Variants in FRAS1 observed in about 807,000 individuals in gnomAD.
FRAS1 encodes the protein extracellular matrix organizing protein FRAS1.
In FRAS1, 290 loss-of-function variants were observed where a neutral mutation model predicts 435.2. The observed-to-expected ratio is 0.67, with a 90% CI of 0.61 to 0.73. FRAS1 has a LOEUF of 0.73. Among genes scored for constraint, FRAS1 ranks in the 30% least tolerant of loss-of-function variants. FRAS1 has a pLI of 0.00. For synonymous variants in FRAS1, 1,800 were observed against 1,851.0 expected (o/e 0.97, Z 0.71); for missense variants, 4,860 against 5,001.5 (o/e 0.97, Z 0.85).
At position 78,282,826 on chromosome 4, in the gene FRAS1, G is replaced by A. The variant is rs753141845; in HGVS notation, c.1114G>A (p.Glu372Lys). Reference protein sequence around the residue: ...ASEVKRIPEGEKWEDGPCKVC... With the variant: ...ASEVKRIPEGKKWEDGPCKVC... The stretch of plus-strand genomic sequence containing the variant: ...TCTTCACTTTTTTGCGTAGGAGGGA[G>A]AGAAGTGGGAAGATGGCCCTTGCAA... Residue 372 changes from glutamate to lysine, a missense_variant, in exon 12 of 74, where the codon GAG becomes AAG. Physicochemically the swap from Glu to Lys is moderately conservative, Grantham distance 56 (BLOSUM62 1). Transcript: ENST00000512123. 1 of 1,613,264 alleles carries A rather than the reference G, an allele frequency of 6.2e-7. No homozygotes were observed. Among genetic ancestry groups the A allele is most frequent in the South Asian group, 1.1e-5 (1 of 90,962 alleles).
intron 2 of FRAS1, among the ~76,000 whole-genome samples, chr4:78,177,450 G>A (rs1051326930): frequency 2.0e-5 from 3 of 152,152 alleles, no homozygotes; most frequent in Non-Finnish European, 4.4e-5. Flanking sequence ...CAACTCATGA[G>A]CTGCTGAGAC....
chr4:78,489,909 A>G (rs1045183559), intron 59 of FRAS1, among the ~76,000 whole-genome samples: 5 of 148,798 alleles, frequency 3.4e-5, no homozygotes, highest in African/African-American at 1.2e-4. Flanking sequence ...TCTCTTGACA[A>G]TGTACATGAA....
chr4:78,451,643 G>A (rs1719024548), intron 45 of FRAS1, 129 bp from the exon 46 acceptor site: 1 of 614,932 alleles, frequency 1.6e-6, no homozygotes, highest in Non-Finnish European at 2.6e-6. Flanking sequence ...AATGTCAAAA[G>A]CAGTGTCAAA....
intron 2 of FRAS1, among the ~76,000 whole-genome samples, chr4:78,074,555 C>T (rs1740536823): frequency 6.6e-6 from 1 of 152,082 alleles, no homozygotes; most frequent in Non-Finnish European, 1.5e-5. Flanking sequence ...CCCAGGAACA[C>T]CCTGCTTAGC....
chr4:78,117,991 C>T (rs10005862), intron 2 of FRAS1, among the ~76,000 whole-genome samples: 25,220 of 151,526 alleles, frequency 0.17, 1,946 homozygotes, highest in Admixed American at 0.2. Context: ...ATGATGGTGA[C>T]GAACAGATGG....
chr4:78,340,577 A>G (rs381503), intron 20 of FRAS1, among the ~76,000 whole-genome samples: 27,014 of 152,174 alleles, frequency 0.18, 3,276 homozygotes, highest in African/African-American at 0.35. Context: ...AGACAAATCA[A>G]ATATGGAGCT....
intron 2 of FRAS1, among the ~76,000 whole-genome samples, chr4:78,170,094 A>G (rs1721487136): frequency 6.6e-6 from 1 of 152,094 alleles, no homozygotes; most frequent in Non-Finnish European, 1.5e-5. Context: ...GTGTTTTTAA[A>G]TGTCATTTTG....
chr4:78,338,715 G>C (rs1192866206), intron 20 of FRAS1, among the ~76,000 whole-genome samples: 2 of 152,176 alleles, frequency 1.3e-5, no homozygotes, highest in African/African-American at 4.8e-5. Flanking sequence ...AAGAGGCATG[G>C]CCAGTTGTCT....
At chr4:78,481,576 G>A (rs1238252396) in intron 56 of FRAS1, among the ~76,000 whole-genome samples, 1 of 152,170 alleles carries the variant, frequency 6.6e-6, no homozygotes, top group Non-Finnish European at 1.5e-5. Flanking sequence ...TCTCCATGAA[G>A]CCCTTCTCTA....
chr4:78,180,866 T>G, intron 2 of FRAS1: 1 of 1,589,754 alleles, frequency 6.3e-7, no homozygotes, highest in African/African-American at 1.3e-5. Flanking sequence ...TGGCATCCAG[T>G]TAAGCCAGAA....
chr4:78,073,692 T>C (rs2109863429), intron 2 of FRAS1, among the ~76,000 whole-genome samples: 1 of 152,336 alleles, frequency 6.6e-6, no homozygotes, highest in South Asian at 2.1e-4. Context: ...GTTTAGTTAC[T>C]TTTAGAAGTT....
At chr4:78,538,499 G>T (rs1372613950) in intron 72 of FRAS1, among the ~76,000 whole-genome samples, 1 of 152,164 alleles carries the variant, frequency 6.6e-6, no homozygotes, top group African/African-American at 2.4e-5. Context: ...CTAATGACAT[G>T]CCTGTAACTG....
intron 2 of FRAS1, among the ~76,000 whole-genome samples, chr4:78,232,430 C>T (rs184857348): frequency 0.014 from 2,088 of 152,076 alleles, 29 homozygotes; most frequent in Admixed American, 0.019. Context: ...GGACTACAGG[C>T]GCCCGCCACC....
rs148469658 is a variant in FRAS1, at chr4:78,338,489, G to C, written c.2422+672G>C. ...TCCACCACCAAAGAGCCTATAGACTGGGGAGGGGAATTTACTGGGTAATGG... is the reference window on the plus strand; with the variant it reads ...TCCACCACCAAAGAGCCTATAGACTCGGGAGGGGAATTTACTGGGTAATGG... On this transcript the variant is annotated intron_variant, in intron 20 of 73. Coordinates refer to ENST00000512123, the MANE Select transcript of FRAS1 (RefSeq NM_025074.7). Among the ~76,000 whole-genome samples, 104 of 152,284 alleles carry C rather than the reference G, an allele frequency of 6.8e-4. 1 individual carries two copies. The Middle Eastern group carries it at 0.027, about 40-fold the overall frequency.
chr4:78,482,534 T>C lies in FRAS1; in HGVS notation c.8751T>C (p.Asp2917=). 6.2e-7 allele frequency: 1 copy of C among 1,612,946 alleles called. No homozygotes were observed. Among genetic ancestry groups the C allele is most frequent in the Non-Finnish European group, 8.5e-7 (1 of 1,179,610 alleles). ...AVIAINDTFQ[D]VPSMQFAKDL... ...TTGCAATTAATGACACATTCCAAGA[T>C]GGTAAGAGATTGGGGATGCCAGCTG... The change falls in exon 58 of 74, where the codon GAT becomes GAC. Residue 2917 remains aspartate, a splice_region_variant and synonymous_variant. Transcript: ENST00000512123.
chr4:78,066,471 C>T (rs948746405), intron 2 of FRAS1, among the ~76,000 whole-genome samples: 8 of 152,128 alleles, frequency 5.3e-5, no homozygotes, highest in African/African-American at 1.7e-4. Context: ...TTTTGGTGAA[C>T]AGCAAAGAAA....
intron 5 of FRAS1, among the ~76,000 whole-genome samples, chr4:78,253,218 A>C (rs755805423): frequency 3.4e-4 from 51 of 152,164 alleles, no homozygotes; most frequent in Non-Finnish European, 5.4e-4. Flanking sequence ...AGAAGAAAAA[A>C]TATGGCTCTA....
intron 14 of FRAS1, among the ~76,000 whole-genome samples, chr4:78,288,534 G>A (rs569501087): frequency 5.3e-5 from 8 of 152,242 alleles, no homozygotes; most frequent in African/African-American, 1.4e-4. Flanking sequence ...AGTGGTTTAC[G>A]TAGCTCACTG....
intron 59 of FRAS1, among the ~76,000 whole-genome samples, chr4:78,493,895 A>G (rs1720438168): frequency 6.6e-6 from 1 of 152,194 alleles, no homozygotes; most frequent in Non-Finnish European, 1.5e-5. Flanking sequence ...GTATTGAATC[A>G]GAATCACATT....
Sources: allele counts gnomAD v4.1 joint callset (sites outside exome capture counted in the v4.1 genomes callset), GRCh38; gene constraint gnomAD v4.1.1; transcripts MANE v1.5; gene names NCBI Gene and HGNC (gene_info 2026-07-23, HGNC 2026-07-21).